ADH1B: variants seen among roughly 807,000 people sequenced by gnomAD.
ADH1B encodes the protein all-trans-retinol dehydrogenase [NAD(+)] ADH1B.
In ADH1B, 29 loss-of-function variants were observed where a neutral mutation model predicts 34.6. The ratio of observed to expected loss-of-function variants is 0.84; its 90% confidence interval spans 0.62 to 1.14. The LOEUF (loss-of-function observed/expected upper bound fraction) is 1.14. Ranked by LOEUF, ADH1B falls within the 50% of genes most tolerant of loss-of-function variation. ADH1B has a pLI of 0.00. For synonymous variants in ADH1B, 170 were observed against 175.5 expected, an observed-to-expected ratio of 0.97 and a Z score of 0.25; for missense variants, 424 against 468.4, an observed-to-expected ratio of 0.91 and a Z score of 0.87.
chr4:99,314,638 GTGACCAGTATATCCC>G (rs1395360268), intron 5 of ADH1B: 2 of 155,788 alleles, frequency 1.3e-5, no homozygotes, highest in Non-Finnish European at 2.8e-5. Flanking sequence ...TTCGGTAGTT[GTGACCAGTATATCCC>G]TGCTTTAAAA....
At position 99,315,992 on chromosome 4, in the gene ADH1B, A is replaced by G. The variant is rs1386719312; in HGVS notation, c.473T>C (p.Val158Ala). The change falls in exon 5 of 9, where the codon GTG becomes GCG. Residue 158 changes from valine to alanine, a missense_variant. Around this residue, in one of 3 missense-constraint regions of ADH1B, gnomAD observed 291 missense variants for 300.4 expected, o/e 0.97. Coordinates refer to ENST00000305046, the MANE Select transcript of ADH1B (RefSeq NM_000668.6). ...GGGCGAGGCTGCATCAATTTTGGCC[A>G]CTGCATTCTCATCCACCACCGTGTA... ...SQYTVVDENA[V>A]AKIDAASPLE... 7 of 1,614,186 alleles carry G rather than the reference A, an allele frequency of 4.3e-6. No individual in the cohort carries two copies. Among genetic ancestry groups the G allele is most frequent in the Non-Finnish European group, 5.9e-6 (7 of 1,180,018 alleles).
chr4:99,309,924 A>G (rs1417611557), intron 8 of ADH1B, among the ~76,000 whole-genome samples: 1 of 152,114 alleles, frequency 6.6e-6, no homozygotes, highest in Non-Finnish European at 1.5e-5. Context: ...GTTGTCGGTT[A>G]AAGTACCTAG....
At position 99,318,560 on chromosome 4, in the gene ADH1B, C is replaced by T. The variant is rs868311590; in HGVS notation, c.120+225G>A. ...CCTTTGGAATTTTTTTCTGTACAAA[C>T]ATAAATTCTTTTGTATTTTACTGGA... On this transcript the variant is annotated intron_variant, in intron 2 of 8. Transcript: ENST00000305046. 5 of 535,732 alleles carry T rather than the reference C, an allele frequency of 9.3e-6. No homozygotes were observed. The African/African-American group carries it at 9.8e-5, about 11-fold the overall frequency. 33.2% of individuals were successfully genotyped at this position (535,732 alleles called of 1,614,324 possible).
Position 99,308,013 on chromosome 4 carries a change from A to T in ADH1B, c.1104-149T>A, listed in dbSNP as rs1275379277. On this transcript the variant is annotated intron_variant, in intron 8 of 8. Coordinates refer to ENST00000305046, the MANE Select transcript of ADH1B (RefSeq NM_000668.6). Reference sequence around the variant, plus strand: ...CCATCCCCATACATTTGGTTCAAGAAAAAGGAAGTTCATCTTTTTTGGTTT... The same window carrying T: ...CCATCCCCATACATTTGGTTCAAGATAAAGGAAGTTCATCTTTTTTGGTTT... The T allele has an allele frequency of 2.9e-6, 3 of 1,027,196 alleles. No individual in the cohort carries two copies. In the African/African-American group the frequency reaches 5.1e-5, roughly 17 times the overall value. The allele number at this position is 1,027,196 out of a possible 1,614,324, so 63.6% of individuals were successfully genotyped here. A position where few individuals can be genotyped will look rare whatever the true frequency, so the allele number is the denominator to read the frequency against.
chr4:99,313,843 A>T lies in ADH1B; in HGVS notation c.806T>A (p.Val269Asp), dbSNP rs766744276. The T allele has an allele frequency of 1.2e-6, 2 of 1,614,042 alleles. No individual in the cohort carries two copies. Among genetic ancestry groups the T allele is most frequent in the Non-Finnish European group, 1.7e-6 (2 of 1,179,894 alleles). Residue 269 changes from valine (V) to aspartate (D), a missense_variant, in exon 6 of 9, where the codon GTC (valine) becomes GAC (aspartate). By Grantham distance (152) the Val-to-Asp change is radical. This residue lies in a region of ADH1B where 130 missense variants were observed against 151.8 expected (regional missense o/e 0.86). Transcript: ENST00000305046. ...TACCATGGTGTCAAGCCGACCGATG[A>T]CTTCAAACGAAAAATCCACACCTCC... is the stretch of plus-strand genomic sequence containing the variant. Reference protein sequence around the residue: ...TDGGVDFSFEVIGRLDTMMAS... With the variant: ...TDGGVDFSFEDIGRLDTMMAS...
At chr4:99,312,159 C>G (rs960062818) in intron 6 of ADH1B, among the ~76,000 whole-genome samples, 1 of 152,102 alleles carries the variant, frequency 6.6e-6, no homozygotes, top group African/African-American at 2.4e-5. Flanking sequence ...CCAGTCAGTT[C>G]TTGGAACATG....
chr4:99,318,452 G>T (rs916215568), intron 2 of ADH1B: 3 of 519,304 alleles, frequency 5.8e-6, no homozygotes, highest in East Asian at 3.6e-5. Context: ...AAGAATGCAC[G>T]CTTTAAAAAA....
At chr4:99,317,937 C>T (rs1366074955) in intron 3 of ADH1B, 109 bp downstream of exon 3, 21 of 1,533,328 alleles carry the variant, frequency 1.4e-5, no homozygotes, top group East Asian at 2.3e-5. Context: ...CCTGGCTGCG[C>T]GGTGACCTTG....
At chr4:99,314,991 A>G (rs1440846914) in intron 5 of ADH1B, 3 of 152,164 alleles carry the variant, frequency 2.0e-5, no homozygotes, top group Admixed American at 1.3e-4. Context: ...TCACTCATTC[A>G]TTCACCAAAT....
At chr4:99,317,832 G>A (rs1190321139) in intron 3 of ADH1B, 5 of 663,854 alleles carry the variant, frequency 7.5e-6, no homozygotes, top group African/African-American at 1.8e-5. Context: ...GTAGATACTC[G>A]GTACATAATG....
At position 99,311,523 on chromosome 4, in the gene ADH1B, C is replaced by G; in HGVS notation, c.962G>C (p.Gly321Ala). Residue 321 changes from glycine (G) to alanine (A), a missense_variant and splice_region_variant, in exon 7 of 9, where the codon GGT (glycine) becomes GCT (alanine). Physicochemically the swap from Gly to Ala is moderately conservative, Grantham distance 60. Around this residue, in one of 3 missense-constraint regions of ADH1B, gnomAD observed 130 missense variants for 151.8 expected, o/e 0.86. Coordinates refer to ENST00000305046, the MANE Select transcript of ADH1B (RefSeq NM_000668.6). ...GGCACTTGAGCCCAACTACATACCA[C>G]CATAAACAGCCCCCTTCCAGGTGCG... is the stretch of plus-strand genomic sequence containing the variant. ...TGRTWKGAVY[G>A]GFKSKEGIPK... 1 of 1,613,534 alleles carries G rather than the reference C, an allele frequency of 6.2e-7. No individual in the cohort carries two copies.
chr4:99,310,755 TA>T lies in ADH1B; in HGVS notation c.1103+9del. The T allele has an allele frequency of 6.2e-7, 1 of 1,601,732 alleles. No homozygotes were observed. Among genetic ancestry groups the T allele is most frequent in the Non-Finnish European group, 8.5e-7 (1 of 1,176,828 alleles). On this transcript the variant is annotated intron_variant, in intron 8 of 8. Transcript: ENST00000305046. Reference sequence around the variant, plus strand: ...AAAAAAGCAAAACAGAAAACTAACTTAAAATCTACCTTTTCCCAGAGTGAAG... The same window carrying T: ...AAAAAAGCAAAACAGAAAACTAACTTAAATCTACCTTTTCCCAGAGTGAAG...
chr4:99,313,123 T>C (rs1733792546), intron 6 of ADH1B, among the ~76,000 whole-genome samples: 1 of 151,546 alleles, frequency 6.6e-6, no homozygotes, highest in Non-Finnish European at 1.5e-5. Flanking sequence ...GCCTCCTGGG[T>C]TCAAGTGATT....
chr4:99,320,411 C>T (rs1054958869), intron 1 of ADH1B: 1 of 152,718 alleles, frequency 6.5e-6, no homozygotes, highest in African/African-American at 2.4e-5. Context: ...GCCTCAGAAC[C>T]TTTAAATTGA....
chr4:99,318,163 G>T lies in ADH1B; in HGVS notation c.142C>A (p.His48Asn), dbSNP rs761042153. The T allele has an allele frequency of 8.1e-6, 13 of 1,613,956 alleles. No individual in the cohort carries two copies. Among genetic ancestry groups the T allele is most frequent in the Middle Eastern group, 1.6e-4 (1 of 6,082 alleles). ...RIKMVAVGIC[H>N]TDDHVVSGNL... Reference sequence around the variant, plus strand: ...CCACTAACCACGTGGTCATCTGTGTGACAGATTCCTACAGCCACCATCTAC... The same window carrying T: ...CCACTAACCACGTGGTCATCTGTGTTACAGATTCCTACAGCCACCATCTAC... The change falls in exon 3 of 9, where the codon CAC becomes AAC. Residue 48 changes from histidine to asparagine, a missense_variant. Around this residue, in one of 3 missense-constraint regions of ADH1B, gnomAD observed 291 missense variants for 300.4 expected, o/e 0.97. Transcript: ENST00000305046.
At chr4:99,309,662 G>A (rs1055359277) in intron 8 of ADH1B, among the ~76,000 whole-genome samples, 12 of 152,162 alleles carry the variant, frequency 7.9e-5, no homozygotes, top group African/African-American at 2.2e-4. Context: ...CTTGAGGGGC[G>A]GTGTGGTTTA....
intron 2 of ADH1B, 32 bp from the exon 3 acceptor site, chr4:99,318,216 G>A: frequency 6.2e-7 from 1 of 1,612,312 alleles, no homozygotes; most frequent in Non-Finnish European, 8.5e-7. Context: ...TTCAGATTCA[G>A]AAAAGATTGT....
rs558648563 is a variant in ADH1B at position 99,317,873 on chromosome 4, T to C, written c.259+173A>G. On this transcript the variant is annotated intron_variant, in intron 3 of 8. Coordinates refer to ENST00000305046, the MANE Select transcript of ADH1B (RefSeq NM_000668.6). ...AGGGTACAATACATGAGTGCCTGAA[T>C]GCATACATGCTTGGGTCAGGCAGGC... 3.1e-4 allele frequency: 311 copies of C among 1,013,042 alleles called. 4 individuals are homozygous for C. The South Asian group carries it at 4.7e-3, about 15-fold the overall frequency. The allele number at this position is 1,013,042 out of a possible 1,614,324, so 62.8% of individuals were successfully genotyped here. A position where few individuals can be genotyped will look rare whatever the true frequency, so the allele number is the denominator to read the frequency against.
chr4:99,313,664 C>T, intron 6 of ADH1B, 157 bp downstream of exon 6: 13 of 1,385,568 alleles, frequency 9.4e-6, no homozygotes, highest in Non-Finnish European at 1.2e-5. Context: ...GAAGATTTCT[C>T]ATAACAAAAA....
Sources: gnomAD v4.1 joint callset for allele counts (sites outside exome capture counted in the v4.1 genomes callset) on GRCh38, gnomAD v4.1.1 for gene constraint, gnomAD v4.1.1 regional missense constraint, MANE v1.5 for transcripts, NCBI Gene and HGNC (gene_info 2026-07-23, HGNC 2026-07-21) for gene names.